NEK7: variants seen among roughly 807,000 people sequenced by gnomAD.
NEK7 encodes the protein serine/threonine-protein kinase Nek7.
In NEK7, 18 loss-of-function variants were observed where a neutral mutation model predicts 44.6. The ratio of observed to expected loss-of-function variants is 0.40; its 90% CI spans 0.28 to 0.60. The LOEUF (loss-of-function observed/expected upper bound fraction) is 0.60, where lower values mean the gene tolerates loss of function less well. Among genes scored for constraint, NEK7 ranks in the 20% least tolerant of loss-of-function variants. NEK7 has a pLI of 0.38. For missense variants in NEK7, 256 were observed against 366.5 expected, an observed-to-expected ratio of 0.70 and a Z score of 2.46; for synonymous variants, 130 against 121.1, an observed-to-expected ratio of 1.07 and a Z score of -0.48.
intron 1 of NEK7, among the ~76,000 whole-genome samples, chr1:198,219,965 CTG>C (rs1181586404): frequency 7.9e-6 from 1 of 127,374 alleles, no homozygotes; most frequent in Non-Finnish European, 1.6e-5. Flanking sequence ...CTATGAGACA[CTG>C]TAAACTTTGC....
chr1:198,254,465 A>C (rs2102929705), intron 3 of NEK7, among the ~76,000 whole-genome samples: 1 of 152,270 alleles, frequency 6.6e-6, no homozygotes, highest in South Asian at 2.1e-4. Flanking sequence ...ACACACACTC[A>C]CACAGCTTGC....
intron 1 of NEK7, among the ~76,000 whole-genome samples, chr1:198,219,510 A>C (rs542157523): frequency 6.6e-6 from 1 of 151,512 alleles, no homozygotes; most frequent in Non-Finnish European, 1.5e-5. Flanking sequence ...CTATGGGTAC[A>C]TAAAGGCATA....
intron 8 of NEK7, among the ~76,000 whole-genome samples, chr1:198,295,676 C>T (rs1654694372): frequency 6.6e-6 from 1 of 150,452 alleles, no homozygotes; most frequent in African/African-American, 2.4e-5. Flanking sequence ...ATAATGAACG[C>T]CTAGAATATG....
intron 1 of NEK7, among the ~76,000 whole-genome samples, chr1:198,199,594 T>C (rs1665356318): frequency 6.6e-6 from 1 of 152,174 alleles, no homozygotes; most frequent in African/African-American, 2.4e-5. Context: ...CTTTTAGTAC[T>C]ATTCGTTTTT....
intron 5 of NEK7, among the ~76,000 whole-genome samples, chr1:198,272,846 T>G (rs1451109170): frequency 6.6e-6 from 1 of 151,804 alleles, no homozygotes; most frequent in African/African-American, 2.4e-5. Context: ...GCCTTGATAT[T>G]GATGTACCAG....
chr1:198,290,215 A>G (rs1248827664), intron 7 of NEK7, among the ~76,000 whole-genome samples: 1 of 152,218 alleles, frequency 6.6e-6, no homozygotes, highest in African/African-American at 2.4e-5. Context: ...TTCTCAATAC[A>G]TAGGACAGTA....
chr1:198,162,940 T>C (rs1664151821), intron 1 of NEK7, among the ~76,000 whole-genome samples: 1 of 152,118 alleles, frequency 6.6e-6, no homozygotes, highest in South Asian at 2.1e-4. Context: ...TTCAAAAAAT[T>C]GGCAAAATTA....
chr1:198,226,236 C>T (rs1286184184), intron 1 of NEK7, among the ~76,000 whole-genome samples: 2 of 152,012 alleles, frequency 1.3e-5, no homozygotes, highest in Admixed American at 6.6e-5. Context: ...CTGACATATT[C>T]TATAATAACA....
intron 2 of NEK7, among the ~76,000 whole-genome samples, chr1:198,246,940 A>G (rs1666850989): frequency 6.6e-6 from 1 of 152,250 alleles, no homozygotes; most frequent in South Asian, 2.1e-4. Context: ...AATATAAACA[A>G]TTCTTAGGAA....
chr1:198,257,659 A>T (rs1320953786), intron 3 of NEK7, among the ~76,000 whole-genome samples: 1 of 152,236 alleles, frequency 6.6e-6, no homozygotes, highest in Non-Finnish European at 1.5e-5. Context: ...AGAATAATTC[A>T]TAAATGACAT....
At chr1:198,273,469 A>G (rs1443156223) in intron 5 of NEK7, among the ~76,000 whole-genome samples, 4 of 151,782 alleles carry the variant, frequency 2.6e-5, no homozygotes, top group East Asian at 1.9e-4. Context: ...AGAACTGTCC[A>G]TTATACTTCC....
rs1035615545 is a variant in NEK7, at chr1:198,157,090, G to C, written c.-215G>C. ...TCGCACTCCGGACGCGCCTCGCAGT[G>C]CGCAGGGTGGGTGCCCCGCGCCTGC... On this transcript the variant is annotated 5_prime_UTR_variant, in exon 1 of 10. Transcript: ENST00000367385. 8 of 151,944 alleles carry C rather than the reference G, an allele frequency of 5.3e-5. No individual in the cohort carries two copies. The highest frequency in any genetic ancestry group is 1.9e-4 in the African/African-American group (8 of 41,412). 9.4% of individuals were successfully genotyped at this position (151,944 alleles called of 1,614,324 possible). A position where few individuals can be genotyped will look rare whatever the true frequency, so the allele number is the denominator to read the frequency against.
intron 1 of NEK7, among the ~76,000 whole-genome samples, chr1:198,205,690 C>T (rs1450959060): frequency 6.6e-6 from 1 of 151,720 alleles, no homozygotes; most frequent in African/African-American, 2.4e-5. Flanking sequence ...TTCTCATACA[C>T]ATCCTAAGGT....
intron 1 of NEK7, among the ~76,000 whole-genome samples, chr1:198,211,611 T>C (rs1053715888): frequency 2.1e-4 from 32 of 152,144 alleles, no homozygotes; most frequent in Non-Finnish European, 4.1e-4. Flanking sequence ...GAAGAAAGTA[T>C]AAAAAATAAT....
Position 198,277,979 on chromosome 1 carries a change from A to C in NEK7, c.391A>C (p.Arg131=). ...CAAAAAGCATTTTAAGAAGCAAAAG[A>C]GGCTAATTCCTGAAAGAACTGTTTG... ...RMIKHFKKQK[R]LIPERTVWKY... Residue 131 remains arginine (R), a synonymous_variant, in exon 6 of 10, where the codon AGG becomes CGG. Transcript: ENST00000367385. 1 of 1,601,158 alleles carries C rather than the reference A, an allele frequency of 6.2e-7. No homozygotes were observed. The highest frequency in any genetic ancestry group is 8.5e-7 in the Non-Finnish European group (1 of 1,170,310).
chr1:198,224,671 G>A (rs1026058631), intron 1 of NEK7, among the ~76,000 whole-genome samples: 1 of 151,760 alleles, frequency 6.6e-6, no homozygotes, highest in African/African-American at 2.4e-5. Flanking sequence ...TATAAAATGG[G>A]CTTATGTTAT....
At chr1:198,159,255 G>GT (rs1664021862) in intron 1 of NEK7, among the ~76,000 whole-genome samples, 1 of 152,124 alleles carries the variant, frequency 6.6e-6, no homozygotes, top group Non-Finnish European at 1.5e-5. Context: ...TTCTAGGGAT[G>GT]TCTGCGGAAG....
chr1:198,230,044 TA>T (rs1295699091), intron 1 of NEK7, among the ~76,000 whole-genome samples: 6 of 152,168 alleles, frequency 3.9e-5, no homozygotes, highest in African/African-American at 1.4e-4. Context: ...AAACGAAACT[TA>T]AGAAACTTTT....
At chr1:198,242,114 G>A (rs1316528507) in intron 2 of NEK7, among the ~76,000 whole-genome samples, 1 of 151,944 alleles carries the variant, frequency 6.6e-6, no homozygotes, top group African/African-American at 2.4e-5. Flanking sequence ...TAATTGGCAA[G>A]TTTTTGACTC....
Sources: gnomAD v4.1 joint callset for allele counts (sites outside exome capture counted in the v4.1 genomes callset) on GRCh38, gnomAD v4.1.1 for gene constraint, MANE v1.5 for transcripts, NCBI Gene and HGNC (gene_info 2026-07-23, HGNC 2026-07-21) for gene names.